SCLY: variants seen among roughly 807,000 people sequenced by gnomAD.
SCLY encodes the protein putative selenocysteine lyase.
A neutral mutation model predicts 50.1 loss-of-function variants in SCLY; 38 were observed. The ratio of observed to expected loss-of-function variants is 0.76; its 90% CI spans 0.59 to 0.99. The LOEUF (loss-of-function observed/expected upper bound fraction) is 0.99, where lower values mean the gene tolerates loss of function less well. SCLY is among the 50% of genes least tolerant of loss of function. The probability of loss-of-function intolerance (pLI) is 0.00; values close to 1 mark genes in which losing one functional copy is unlikely to be tolerated. For missense variants in SCLY, 600 were observed against 620.0 expected (o/e 0.97, Z 0.34); for synonymous variants, 243 against 249.4 (o/e 0.97, Z 0.24).
intron 7 of SCLY, among the ~76,000 whole-genome samples, chr2:238,085,900 C>T (rs1261750301): frequency 6.6e-6 from 1 of 152,076 alleles, no homozygotes; most frequent in East Asian, 1.9e-4. Context: ...CATAAACATA[C>T]AGAATCAAGA....
chr2:238,063,248 T>C (rs1169656654), intron 1 of SCLY, among the ~76,000 whole-genome samples: 5 of 142,588 alleles, frequency 3.5e-5, no homozygotes, highest in Non-Finnish European at 6.2e-5. Context: ...TTTGTTTTTT[T>C]TGTTGTTGTT....
At chr2:238,080,574 C>G (rs1317759964) in intron 4 of SCLY, 1 of 152,392 alleles carries the variant, frequency 6.6e-6, no homozygotes, top group African/African-American at 2.4e-5. Context: ...TCGTGACTTC[C>G]CTGGACGGAG....
In SCLY at chr2:238,098,671, T is replaced by TGGGAACGCCCACATGGGACCGC. The variant is rs1295676482; in HGVS notation, c.*316_*317insGGGAACGCCCACATGGGACCGC. On this transcript the variant is annotated 3_prime_UTR_variant, in exon 12 of 12. Coordinates refer to ENST00000254663, the MANE Select transcript of SCLY (RefSeq NM_016510.7). ...TGGGACCGCCCACATAGAACCGTCC[T>TGGGAACGCCCACATGGGACCGC]CCAGTGGTGAAGCGGAAACACTTAG... 14 of 86,472 alleles carry TGGGAACGCCCACATGGGACCGC rather than the reference T, an allele frequency of 1.6e-4. No homozygotes were observed. Among genetic ancestry groups the TGGGAACGCCCACATGGGACCGC allele is most frequent in the Middle Eastern group, 3.2e-3 (1 of 316 alleles). 5.4% of individuals were successfully genotyped at this position (86,472 alleles called of 1,614,324 possible). A position where few individuals can be genotyped will look rare whatever the true frequency, so the allele number is the denominator to read the frequency against.
At chr2:238,089,027 T>A (rs1340938778) in intron 7 of SCLY, among the ~76,000 whole-genome samples, 2 of 152,180 alleles carry the variant, frequency 1.3e-5, no homozygotes, top group Non-Finnish European at 2.9e-5. Context: ...TCCCAAGGAA[T>A]GTACAAGAAA....
At position 238,081,782 on chromosome 2, in the gene SCLY, G is replaced by A. The variant is rs753789578; in HGVS notation, c.558G>A (p.Pro186=). The change falls in exon 5 of 12, where the codon CCG becomes CCA. Residue 186 remains proline, a synonymous_variant. Coordinates refer to ENST00000254663, the MANE Select transcript of SCLY (RefSeq NM_016510.7). The stretch of plus-strand genomic sequence containing the variant: ...ACGACATCCTCGCGGCAGTCCGCCC[G>A]ACCACACGCCTCGTGACCATCATGC... ...EVDDILAAVR[P]TTRLVTIMLA... The A allele has an allele frequency of 1.9e-5, 30 of 1,614,132 alleles. No individual in the cohort carries two copies. The highest frequency in any genetic ancestry group is 1.5e-4 in the South Asian group (14 of 91,070).
chr2:238,094,576 G>T, intron 10 of SCLY, 54 bp downstream of exon 10: 2 of 1,432,712 alleles, frequency 1.4e-6, no homozygotes, highest in Non-Finnish European at 2.0e-6. Flanking sequence ...CCCTCGGTGC[G>T]TGGATTCTGG....
intron 7 of SCLY, among the ~76,000 whole-genome samples, chr2:238,084,142 C>T (rs2248837): frequency 0.32 from 49,014 of 152,080 alleles, 8,064 homozygotes; most frequent in East Asian, 0.52. Flanking sequence ...CAAGGTATCC[C>T]ACACCACCAC....
chr2:238,070,993 G>A (rs552243975), intron 4 of SCLY, among the ~76,000 whole-genome samples: 80 of 151,874 alleles, frequency 5.3e-4, no homozygotes, highest in Admixed American at 2.1e-3. Flanking sequence ...CACCATGCCC[G>A]GCTGATTTTT....
intron 5 of SCLY, 63 bp from the exon 6 acceptor site, chr2:238,081,981 AT>A: frequency 6.3e-7 from 1 of 1,584,610 alleles, no homozygotes; most frequent in Non-Finnish European, 8.6e-7. Flanking sequence ...ACTACTCCTG[AT>A]TTCTGTCATT....
chr2:238,068,108 C>G lies in SCLY; in HGVS notation c.246C>G (p.Leu82=), dbSNP rs1373983645. 1 of 1,612,006 alleles carries G rather than the reference C, an allele frequency of 6.2e-7. No individual in the cohort carries two copies. The highest frequency in any genetic ancestry group is 1.3e-5 in the African/African-American group (1 of 74,830). ...KDIINAARES[L]AKMIGGKPQD... ...TTATAAATGCAGCTCGGGAAAGCCTCGCGAAGATGATAGGGGGGAAACCTC... is the reference window on the plus strand; with the variant it reads ...TTATAAATGCAGCTCGGGAAAGCCTGGCGAAGATGATAGGGGGGAAACCTC... The change falls in exon 3 of 12, where the codon CTC becomes CTG. Residue 82 remains leucine (L), a synonymous_variant. Transcript: ENST00000254663.
At position 238,098,396 on chromosome 2, in the gene SCLY, T is replaced by C. The variant is rs1691287647; in HGVS notation, c.*41T>C. The C allele has an allele frequency of 1.3e-6, 2 of 1,547,878 alleles. No homozygotes were observed. Among genetic ancestry groups the C allele is most frequent in the Non-Finnish European group, 1.7e-6 (2 of 1,150,810 alleles). The stretch of plus-strand genomic sequence containing the variant: ...CCCCACCCCGCTTCTGGGAAGCCCG[T>C]GGCAGGGCACAGGGTTGTCCCTCCA... On this transcript the variant is annotated 3_prime_UTR_variant, in exon 12 of 12. Coordinates refer to ENST00000254663, the MANE Select transcript of SCLY (RefSeq NM_016510.7).
At chr2:238,086,436 C>T (rs1165487803) in intron 7 of SCLY, among the ~76,000 whole-genome samples, 3 of 152,224 alleles carry the variant, frequency 2.0e-5, no homozygotes, top group Non-Finnish European at 4.4e-5. Context: ...CACAGGCTGA[C>T]ACGATGGCTC....
chr2:238,084,739 GA>G (rs578199403), intron 7 of SCLY, among the ~76,000 whole-genome samples: 274 of 146,116 alleles, frequency 1.9e-3, no homozygotes, highest in African/African-American at 6.6e-3. Flanking sequence ...CTAAAAGTAC[GA>G]AAAATTAGCC....
At chr2:238,087,090 C>G (rs1431096204) in intron 7 of SCLY, among the ~76,000 whole-genome samples, 1 of 149,576 alleles carries the variant, frequency 6.7e-6, no homozygotes, top group Non-Finnish European at 1.5e-5. Context: ...TGTGGGAGGT[C>G]AAGGCAGGTA....
chr2:238,070,613 G>A (rs775503009), intron 4 of SCLY, among the ~76,000 whole-genome samples: 3 of 152,074 alleles, frequency 2.0e-5, no homozygotes, highest in Non-Finnish European at 4.4e-5. Context: ...CCTGGAGATG[G>A]AGATTGCTGT....
chr2:238,071,853 C>G (rs1374361597), intron 4 of SCLY, among the ~76,000 whole-genome samples: 1 of 152,166 alleles, frequency 6.6e-6, no homozygotes, highest in Non-Finnish European at 1.5e-5. Context: ...TCCACACATC[C>G]CAGTGGATTT....
chr2:238,085,192 G>A (rs11673954), intron 7 of SCLY, among the ~76,000 whole-genome samples: 49,537 of 152,098 alleles, frequency 0.33, 10,025 homozygotes, highest in Admixed American at 0.44. Flanking sequence ...CAGTAAAAAT[G>A]CTTCAATGAG....
Position 238,096,469 on chromosome 2 carries a change from AGACGT to A in SCLY, c.1109-329_1109-325del, listed in dbSNP as rs544095885. 2.4e-4 allele frequency among the ~76,000 whole-genome samples: 36 copies of A among 152,372 alleles called. No homozygotes were observed. The South Asian group carries it at 6.8e-3, about 29-fold the overall frequency. On this transcript the variant is annotated intron_variant, in intron 10 of 11. Transcript: ENST00000254663. ...TCTCTACCATCCAGAACACAGGTGG[AGACGT>A]GATATTGCCGGGGCTGCCAGCTTGT...
intron 4 of SCLY, chr2:238,078,433 A>G (rs1308992684): frequency 1.3e-5 from 2 of 151,956 alleles, no homozygotes; most frequent in African/African-American, 4.8e-5. Context: ...GCATTAACGA[A>G]TATTTTCTAA....
Sources: allele counts gnomAD v4.1 joint callset (sites outside exome capture counted in the v4.1 genomes callset), GRCh38; gene constraint gnomAD v4.1.1; transcripts MANE v1.5; gene names NCBI Gene and HGNC (gene_info 2026-07-23, HGNC 2026-07-21).